TAF3: variants seen among roughly 807,000 people sequenced by gnomAD.
TAF3 encodes the protein TATA-box binding protein associated factor 3, also known as transcription initiation factor TFIID subunit 3.
In TAF3, 7 loss-of-function variants were observed where a neutral mutation model predicts 80.6. That is an observed-to-expected ratio of 0.09 (90% CI 0.05 to 0.16). The LOEUF is 0.16. Ranked by LOEUF, TAF3 falls within the 10% of genes least tolerant of loss-of-function variation. The pLI, the probability that TAF3 is intolerant of heterozygous loss-of-function variation, is 1.00. For synonymous variants in TAF3, 444 were observed against 446.1 expected (o/e 1.00, Z 0.06); for missense variants, 921 against 1,140.2 (o/e 0.81, Z 2.77).
intron 2 of TAF3, among the ~76,000 whole-genome samples, chr10:7,949,629 A>G: frequency 6.6e-6 from 1 of 152,254 alleles, no homozygotes; most frequent in East Asian, 1.9e-4. Flanking sequence ...AACAACTGTA[A>G]AATTCCGTTG....
intron 2 of TAF3, among the ~76,000 whole-genome samples, chr10:7,830,390 A>G (rs1404929034): frequency 1.7e-5 from 2 of 120,360 alleles, no homozygotes; most frequent in African/African-American, 3.2e-5. Flanking sequence ...CCTTAGCTTT[A>G]TAGTTTTATC....
At chr10:7,929,077 G>A (rs1446626755) in intron 2 of TAF3, among the ~76,000 whole-genome samples, 2 of 152,074 alleles carry the variant, frequency 1.3e-5, no homozygotes, top group Non-Finnish European at 2.9e-5. Context: ...TGGTTTTTAA[G>A]GGAGGTTTTT....
At chr10:7,825,997 A>G (rs932410709) in intron 2 of TAF3, among the ~76,000 whole-genome samples, 3 of 152,206 alleles carry the variant, frequency 2.0e-5, no homozygotes, top group African/African-American at 2.4e-5. Flanking sequence ...CTTGCAATTC[A>G]TTTCTTAGAA....
rs1262946706 is a variant in TAF3, at chr10:7,898,702, A to G, written c.410-65218A>G. Among the ~76,000 whole-genome samples the G allele has an allele frequency of 3.9e-5, 6 of 152,334 alleles. No individual in the cohort carries two copies. The South Asian group carries it at 1.0e-3, about 26-fold the overall frequency. ...AACCGCTGTGCAAAAGCAGAAAGAA[A>G]GAGGTAGACTCTCTTTAAGCTCTTC... On this transcript the variant is annotated intron_variant, in intron 2 of 6. Coordinates refer to ENST00000344293, the MANE Select transcript of TAF3 (RefSeq NM_031923.4).
At chr10:7,949,350 C>G (rs2131402322) in intron 2 of TAF3, among the ~76,000 whole-genome samples, 1 of 152,358 alleles carries the variant, frequency 6.6e-6, no homozygotes, top group Non-Finnish European at 1.5e-5. Context: ...AAGTCAGCCT[C>G]TTCGACAGGA....
chr10:7,975,070 CA>C (rs35755700), intron 3 of TAF3: 4,304 of 175,302 alleles, frequency 0.025, 1 homozygote, highest in South Asian at 0.06. Flanking sequence ...GACTCTGTCT[CA>C]AAAAAAAAAA....
chr10:7,850,674 C>CAA lies in TAF3; in HGVS notation c.409+26126_409+26127dup, dbSNP rs869282243. 1.8e-4 allele frequency among the ~76,000 whole-genome samples: 22 copies of CAA among 124,428 alleles called. 1 individual carries two copies. Among genetic ancestry groups the CAA allele is most frequent in the Non-Finnish European group, 1.0e-4 (6 of 57,184 alleles). 81.6% of individuals were successfully genotyped at this position (124,428 alleles called of 152,430 possible). ...CTAGCAAGAGAGCAAGACTCCATCT[C>CAA]AAAAAAAAAAAAATATATATGTATA... is the stretch of plus-strand genomic sequence containing the variant. On this transcript the variant is annotated intron_variant, in intron 2 of 6. Transcript: ENST00000344293.
intron 2 of TAF3, among the ~76,000 whole-genome samples, chr10:7,834,947 A>G (rs1836837010): frequency 6.6e-6 from 1 of 152,154 alleles, no homozygotes; most frequent in Non-Finnish European, 1.5e-5. Flanking sequence ...TTTGATTTAT[A>G]TACTTTCATG....
intron 2 of TAF3, among the ~76,000 whole-genome samples, chr10:7,930,514 C>G (rs1837858325): frequency 6.6e-6 from 1 of 152,110 alleles, no homozygotes; most frequent in Non-Finnish European, 1.5e-5. Context: ...CTTTCTAAAG[C>G]TATAAGGAGT....
chr10:7,990,402 G>C (rs1166944995), intron 4 of TAF3, among the ~76,000 whole-genome samples: 2 of 152,098 alleles, frequency 1.3e-5, no homozygotes, highest in African/African-American at 4.8e-5. Context: ...TGTTTATTTA[G>C]CTTATAATTT....
intron 2 of TAF3, among the ~76,000 whole-genome samples, chr10:7,951,383 G>C (rs1838080482): frequency 1.3e-5 from 2 of 152,338 alleles, no homozygotes; most frequent in East Asian, 3.9e-4. Flanking sequence ...TTGGCTGGTG[G>C]TCAGTGGCTT....
At chr10:7,928,893 G>A (rs183328020) in intron 2 of TAF3, among the ~76,000 whole-genome samples, 10 of 152,276 alleles carry the variant, frequency 6.6e-5, no homozygotes, top group Non-Finnish European at 8.8e-5. Context: ...ACACTGTGTA[G>A]TTGAAAGCAT....
At chr10:7,851,593 C>A (rs57377389) in intron 2 of TAF3, among the ~76,000 whole-genome samples, 1 of 152,114 alleles carries the variant, frequency 6.6e-6, no homozygotes, top group African/African-American at 2.4e-5. Flanking sequence ...CAGCTTCACC[C>A]GTATCTACTC....
chr10:7,887,121 G>C (rs997756038), intron 2 of TAF3, among the ~76,000 whole-genome samples: 4 of 151,838 alleles, frequency 2.6e-5, no homozygotes, highest in African/African-American at 9.7e-5. Context: ...TGTAGTCCCA[G>C]CTACTCGGGA....
chr10:7,957,426 G>T (rs1838146514), intron 2 of TAF3, among the ~76,000 whole-genome samples: 2 of 152,062 alleles, frequency 1.3e-5, no homozygotes, highest in Admixed American at 1.3e-4. Flanking sequence ...TTCTCAAAAG[G>T]GTTACAAGGT....
chr10:7,939,490 G>C (rs970395943), intron 2 of TAF3, among the ~76,000 whole-genome samples: 1 of 151,750 alleles, frequency 6.6e-6, no homozygotes, highest in African/African-American at 2.4e-5. Flanking sequence ...TAAACACCCA[G>C]TAACTACCAG....
intron 2 of TAF3, among the ~76,000 whole-genome samples, chr10:7,892,844 T>C (rs985293482): frequency 3.3e-5 from 5 of 149,504 alleles, no homozygotes; most frequent in African/African-American, 1.2e-4. Flanking sequence ...TGAGACGGAG[T>C]TTCTCTCTTG....
chr10:7,864,006 T>G (rs11255416), intron 2 of TAF3, among the ~76,000 whole-genome samples: 75,313 of 151,856 alleles, frequency 0.5, 20,876 homozygotes, highest in Non-Finnish European at 0.62. Flanking sequence ...ATCCTGCTCC[T>G]TCATCCCCTT....
At chr10:7,863,388 G>A (rs11255413) in intron 2 of TAF3, among the ~76,000 whole-genome samples, 25,908 of 151,178 alleles carry the variant, frequency 0.17, 2,248 homozygotes, top group Admixed American at 0.23. Context: ...AGGCAGGCAG[G>A]TCACCTGAGT....
Sources: gnomAD v4.1 joint callset for allele counts (sites outside exome capture counted in the v4.1 genomes callset) on GRCh38, gnomAD v4.1.1 for gene constraint, MANE v1.5 for transcripts, NCBI Gene and HGNC (gene_info 2026-07-23, HGNC 2026-07-21) for gene names.